CSMD1: variants seen among roughly 807,000 people sequenced by gnomAD.
The protein encoded by CSMD1 is CUB and Sushi multiple domains 1.
Under a neutral mutation model 417.5 loss-of-function variants are expected in CSMD1, and 213 were observed. The ratio of observed to expected loss-of-function variants is 0.51; its 90% confidence interval spans 0.46 to 0.57. The LOEUF is 0.57. Among genes scored for constraint, CSMD1 ranks in the 20% least tolerant of loss-of-function variants. The pLI is 0.00. For synonymous variants in CSMD1, 2,862 were observed against 1,736.8 expected (o/e 1.65, Z -16.11); for missense variants, 6,923 against 4,529.7 (o/e 1.53, Z -15.17).
intron 3 of CSMD1, among the ~76,000 whole-genome samples, chr8:4,251,406 G>C (rs144527424): frequency 2.0e-5 from 3 of 152,242 alleles, no homozygotes; most frequent in Non-Finnish European, 2.9e-5. Context: ...TAAAGTTCTT[G>C]TATTTTGAGC....
chr8:4,164,487 C>T (rs368234974), intron 3 of CSMD1, among the ~76,000 whole-genome samples: 33 of 152,160 alleles, frequency 2.2e-4, no homozygotes, highest in South Asian at 1.0e-3. Flanking sequence ...ACTAATCAAA[C>T]GCAATGCCAG....
At chr8:4,406,849 T>C (rs1805059814) in intron 3 of CSMD1, among the ~76,000 whole-genome samples, 1 of 152,228 alleles carries the variant, frequency 6.6e-6, no homozygotes. Flanking sequence ...ACTATTAAAA[T>C]GTCCACTGTA....
At chr8:3,270,547 A>C (rs150621231) in intron 26 of CSMD1, among the ~76,000 whole-genome samples, 14 of 152,352 alleles carry the variant, frequency 9.2e-5, no homozygotes, top group African/African-American at 3.1e-4. Flanking sequence ...TTAAGTGATC[A>C]AGAGTAAAAG....
rs1798433909 is a variant in CSMD1, at chr8:4,309,381, T to C, written c.415+110572A>G. 2.0e-5 allele frequency among the ~76,000 whole-genome samples: 3 copies of C among 152,228 alleles called. No individual in the cohort carries two copies. In the South Asian group the frequency reaches 6.2e-4, roughly 32 times the overall value. On this transcript the variant is annotated intron_variant, in intron 3 of 69. Transcript: ENST00000635120. Reference sequence around the variant, plus strand: ...ACTAATCTTTTGTTCTGTAGTCCCTTAGAGAAGACCCTCAAAAGCTTTGGA... The same window carrying C: ...ACTAATCTTTTGTTCTGTAGTCCCTCAGAGAAGACCCTCAAAAGCTTTGGA...
At chr8:4,003,736 G>C (rs371606451) in intron 4 of CSMD1, among the ~76,000 whole-genome samples, 8 of 152,132 alleles carry the variant, frequency 5.3e-5, no homozygotes, top group Non-Finnish European at 1.0e-4. Context: ...CAACACAGGC[G>C]AGTGACACTG....
chr8:3,857,025 G>A (rs1344844760), intron 5 of CSMD1, among the ~76,000 whole-genome samples: 1 of 151,948 alleles, frequency 6.6e-6, no homozygotes, highest in Non-Finnish European at 1.5e-5. Flanking sequence ...GCAATGATTA[G>A]AAATATATAT....
At chr8:4,318,269 C>T (rs1219661637) in intron 3 of CSMD1, among the ~76,000 whole-genome samples, 2 of 152,004 alleles carry the variant, frequency 1.3e-5, no homozygotes, top group African/African-American at 4.8e-5. Context: ...AACATTTTTC[C>T]TTAATTAAAG....
intron 3 of CSMD1, among the ~76,000 whole-genome samples, chr8:4,047,938 A>G (rs1260590450): frequency 1.3e-5 from 2 of 152,284 alleles, no homozygotes; most frequent in South Asian, 2.1e-4. Context: ...TTGTTTTCCC[A>G]AAAATATAAT....
At chr8:4,433,454 C>T (rs542377534) in intron 2 of CSMD1, among the ~76,000 whole-genome samples, 20 of 152,248 alleles carry the variant, frequency 1.3e-4, no homozygotes, top group South Asian at 2.1e-4. Flanking sequence ...CAATTCCCTG[C>T]GAGGTCAACG....
intron 3 of CSMD1, among the ~76,000 whole-genome samples, chr8:4,380,971 A>G (rs1019438864): frequency 2.6e-5 from 4 of 152,044 alleles, no homozygotes; most frequent in Non-Finnish European, 5.9e-5. Context: ...CCCATTTCCC[A>G]TTTGGGAAAA....
chr8:3,935,040 G>GTT (rs752752492), intron 5 of CSMD1, among the ~76,000 whole-genome samples: 1 of 152,014 alleles, frequency 6.6e-6, no homozygotes, highest in Non-Finnish European at 1.5e-5. Flanking sequence ...AGCTAGTCTC[G>GTT]TTTCTTTTGC....
intron 2 of CSMD1, among the ~76,000 whole-genome samples, chr8:4,542,533 C>T (rs772470812): frequency 3.9e-5 from 6 of 152,070 alleles, no homozygotes; most frequent in Non-Finnish European, 8.8e-5. Flanking sequence ...AATGCTGTTG[C>T]AAATTAGAAG....
intron 23 of CSMD1, among the ~76,000 whole-genome samples, chr8:3,340,906 C>G (rs548767020): frequency 4.0e-4 from 61 of 152,138 alleles, no homozygotes; most frequent in Admixed American, 5.9e-4. Context: ...AAAATTACTC[C>G]TGTCAAATTG....
chr8:4,595,945 A>G (rs578248515), intron 2 of CSMD1, among the ~76,000 whole-genome samples: 1 of 152,054 alleles, frequency 6.6e-6, no homozygotes, highest in South Asian at 2.1e-4. Flanking sequence ...TTACTAAACT[A>G]TATGAACTGT....
At chr8:4,427,465 A>G (rs114778827) in intron 2 of CSMD1, among the ~76,000 whole-genome samples, 115 of 147,608 alleles carry the variant, frequency 7.8e-4, no homozygotes, top group African/African-American at 2.7e-3. Context: ...AAGCAGGCAA[A>G]GTTCAGAAGA....
chr8:4,012,297 A>G (rs1301652770), intron 4 of CSMD1, among the ~76,000 whole-genome samples: 1 of 152,034 alleles, frequency 6.6e-6, no homozygotes, highest in Non-Finnish European at 1.5e-5. Context: ...TGCCAGTTTC[A>G]TTTCATCTTC....
chr8:3,405,575 T>G (rs534798954), intron 15 of CSMD1, among the ~76,000 whole-genome samples: 2 of 151,472 alleles, frequency 1.3e-5, no homozygotes, highest in African/African-American at 4.9e-5. Context: ...ATTGGGTACT[T>G]GCAGATGAAT....
intron 1 of CSMD1, among the ~76,000 whole-genome samples, chr8:4,789,880 C>T (rs1364776397): frequency 6.6e-6 from 1 of 152,180 alleles, no homozygotes; most frequent in East Asian, 1.9e-4. Flanking sequence ...ATTTTACAGA[C>T]TTGCCTAAGT....
At chr8:3,526,242 A>G (rs377749449) in intron 10 of CSMD1, among the ~76,000 whole-genome samples, 150 of 152,274 alleles carry the variant, frequency 9.9e-4, no homozygotes, top group African/African-American at 3.4e-3. Context: ...CCTTCTATAG[A>G]ATATAAATTG....
Sources: gnomAD v4.1 joint callset for allele counts (sites outside exome capture counted in the v4.1 genomes callset) on GRCh38, gnomAD v4.1.1 for gene constraint, MANE v1.5 for transcripts, NCBI Gene and HGNC (gene_info 2026-07-23, HGNC 2026-07-21) for gene names.